The following USP38 variants were observed in gnomAD, a reference collection of about 807,000 sequenced individuals.
USP38 encodes the protein ubiquitin carboxyl-terminal hydrolase 38.
In USP38, 49 loss-of-function variants were observed where a neutral mutation model predicts 94.3. The ratio of observed to expected loss-of-function variants is 0.52; its 90% CI spans 0.41 to 0.66. The LOEUF (loss-of-function observed/expected upper bound fraction) is 0.66, where lower values mean the gene tolerates loss of function less well. USP38 is among the 30% of genes least tolerant of loss of function. USP38 has a pLI of 0.00. For missense variants in USP38, 1,128 were observed against 1,229.4 expected, an observed-to-expected ratio of 0.92 and a Z score of 1.23; for synonymous variants, 468 against 463.6, an observed-to-expected ratio of 1.01 and a Z score of -0.12.
chr4:143,201,296 A>G (rs915377059), intron 4 of USP38, among the ~76,000 whole-genome samples: 3 of 152,220 alleles, frequency 2.0e-5, no homozygotes, highest in African/African-American at 4.8e-5. Context: ...TCCCTCTTCA[A>G]TAAATGGTGC....
At position 143,197,883 on chromosome 4, in the gene USP38, A is replaced by T; in HGVS notation, c.1009A>T (p.Met337Leu). ...RPGALAVLSH[M>L]LLSFQHSPEA... ...TGGTGCTCTTGCAGTTCTTTCTCAC[A>T]TGCTGCTTAGCTTTCAGCATTCTCC... Residue 337 changes from methionine (M) to leucine (L), a missense_variant, in exon 4 of 10, where the codon ATG becomes TTG. Met to Leu is a conservative substitution (Grantham distance 15). Transcript: ENST00000307017. 6.2e-7 allele frequency: 1 copy of T among 1,613,996 alleles called. No homozygotes were observed.
At position 143,222,891 on chromosome 4, in the gene USP38, C is replaced by T. The variant is rs1732360442; in HGVS notation, c.*2435C>T. 6.6e-6 allele frequency: 1 copy of T among 152,084 alleles called. No homozygotes were observed. The highest frequency in any genetic ancestry group is 1.5e-5 in the Non-Finnish European group (1 of 67,968). The allele number at this position is 152,084 out of a possible 1,614,324, so 9.4% of individuals were successfully genotyped here. ...TTCCTAACCCGTGTACTAGCTCCAACTGTTGTGAGGTTTGACTCTGAAGAC... is the reference window on the plus strand; with the variant it reads ...TTCCTAACCCGTGTACTAGCTCCAATTGTTGTGAGGTTTGACTCTGAAGAC... On this transcript the variant is annotated 3_prime_UTR_variant, in exon 10 of 10. Transcript: ENST00000307017.
chr4:143,209,129 A>T lies in USP38; in HGVS notation c.1404-435A>T, dbSNP rs567703634. ...ACTTATCTTATAAATTAATGGCTTA[A>T]CCTATTTGTATTTGCTAATCCAGAA... is the stretch of plus-strand genomic sequence containing the variant. On this transcript the variant is annotated intron_variant, in intron 6 of 9. Coordinates refer to ENST00000307017, the MANE Select transcript of USP38 (RefSeq NM_032557.6). 1.0e-3 allele frequency among the ~76,000 whole-genome samples: 158 copies of T among 152,200 alleles called. 7 individuals are homozygous for T. The South Asian group carries it at 0.032, about 31-fold the overall frequency.
intron 9 of USP38, 88 bp downstream of exon 9, chr4:143,215,031 A>G: frequency 7.7e-7 from 1 of 1,302,534 alleles, no homozygotes; most frequent in South Asian, 1.5e-5. Context: ...ATCTAACATG[A>G]GTTTTTATTA....
rs149873173 is a variant in USP38, at chr4:143,211,383, A to G, written c.1498-935A>G. Among the ~76,000 whole-genome samples the G allele has an allele frequency of 9.2e-5, 14 of 152,286 alleles. 1 individual carries two copies. In the East Asian group the frequency reaches 2.5e-3, roughly 27 times the overall value. ...TAAATCTTTTATGTCTTAATCATCAAAAACAGTCTGTCAGGTAATAAGGTA... is the reference window on the plus strand; with the variant it reads ...TAAATCTTTTATGTCTTAATCATCAGAAACAGTCTGTCAGGTAATAAGGTA... On this transcript the variant is annotated intron_variant, in intron 7 of 9. Transcript: ENST00000307017.
At chr4:143,211,312 A>G (rs1732017898) in intron 7 of USP38, among the ~76,000 whole-genome samples, 1 of 152,190 alleles carries the variant, frequency 6.6e-6, no homozygotes, top group Non-Finnish European at 1.5e-5. Context: ...CTTATAATTA[A>G]TAAAACAACA....
At chr4:143,201,118 C>T (rs1731703462) in intron 4 of USP38, among the ~76,000 whole-genome samples, 1 of 152,304 alleles carries the variant, frequency 6.6e-6, no homozygotes, top group Middle Eastern at 3.4e-3. Flanking sequence ...CATTACCCAG[C>T]TTCAAATTAT....
At chr4:143,213,071 T>C (rs1213308300) in intron 8 of USP38, among the ~76,000 whole-genome samples, 3 of 152,118 alleles carry the variant, frequency 2.0e-5, no homozygotes, top group Admixed American at 6.6e-5. Flanking sequence ...AACCACTCCT[T>C]TAGACCAGTT....
chr4:143,209,377 G>T (rs1731959375), intron 6 of USP38, among the ~76,000 whole-genome samples, 187 bp from the exon 7 acceptor site: 1 of 151,880 alleles, frequency 6.6e-6, no homozygotes, highest in African/African-American at 2.4e-5. Context: ...AGTGGCTTAT[G>T]CCTGTAATTC....
chr4:143,206,686 T>C (rs989281849), intron 6 of USP38, among the ~76,000 whole-genome samples: 1 of 152,168 alleles, frequency 6.6e-6, no homozygotes, highest in South Asian at 2.1e-4. Context: ...TGAGAGTCAG[T>C]CTCAAAAAAA....
At chr4:143,196,626 C>A (rs1731557360) in intron 3 of USP38, among the ~76,000 whole-genome samples, 1 of 152,178 alleles carries the variant, frequency 6.6e-6, no homozygotes, top group Non-Finnish European at 1.5e-5. Flanking sequence ...ACAGTTCAGT[C>A]TTTGGTCCAT....
intron 9 of USP38, among the ~76,000 whole-genome samples, chr4:143,218,648 AT>A (rs1285031031): frequency 3.9e-5 from 6 of 152,150 alleles, no homozygotes; most frequent in African/African-American, 1.4e-4. Flanking sequence ...TTTATATTTT[AT>A]GTCATTCGAC....
At chr4:143,211,805 T>C (rs1732031854) in intron 7 of USP38, among the ~76,000 whole-genome samples, 1 of 152,224 alleles carries the variant, frequency 6.6e-6, no homozygotes, top group African/African-American at 2.4e-5. Flanking sequence ...CTAACCAGTG[T>C]ACTCACAATC....
At chr4:143,219,524 C>T (rs1434695272) in intron 9 of USP38, among the ~76,000 whole-genome samples, 3 of 152,150 alleles carry the variant, frequency 2.0e-5, no homozygotes, top group Non-Finnish European at 4.4e-5. Context: ...ATTATGCTAA[C>T]AAGTTCAGGT....
Position 143,185,534 on chromosome 4 carries a change from G to A in USP38, c.84G>A (p.Ser28=). ...KRVIVRKVVE[S]AEHWLDEAQC... is the part of the protein sequence containing the mutation. ...TGATTGTGCGGAAGGTGGTGGAATC[G>A]GCGGAGCACTGGCTAGACGAGGCGC... is the stretch of plus-strand genomic sequence containing the variant. Residue 28 remains serine, a synonymous_variant, in exon 1 of 10, where the codon TCG becomes TCA. Transcript: ENST00000307017. 6.2e-7 allele frequency: 1 copy of A among 1,613,666 alleles called. No homozygotes were observed. The highest frequency in any genetic ancestry group is 1.3e-5 in the African/African-American group (1 of 75,052).
chr4:143,218,652 C>T (rs1732246876), intron 9 of USP38, among the ~76,000 whole-genome samples: 1 of 152,038 alleles, frequency 6.6e-6, no homozygotes. Flanking sequence ...TATTTTATGT[C>T]ATTCGACATA....
chr4:143,194,983 A>G (rs2149605749), intron 2 of USP38, among the ~76,000 whole-genome samples: 1 of 151,538 alleles, frequency 6.6e-6, no homozygotes, highest in Non-Finnish European at 1.5e-5. Context: ...CCATTACAAT[A>G]TTTACAGACT....
intron 1 of USP38, among the ~76,000 whole-genome samples, chr4:143,187,097 C>G (rs1450930139): frequency 6.6e-6 from 1 of 151,044 alleles, no homozygotes; most frequent in Non-Finnish European, 1.5e-5. Context: ...GTTTTTTTTT[C>G]TTATTGTAAT....
At chr4:143,192,582 G>A (rs1308051861) in intron 2 of USP38, among the ~76,000 whole-genome samples, 1 of 113,044 alleles carries the variant, frequency 8.8e-6, no homozygotes, top group African/African-American at 3.4e-5. Flanking sequence ...CATTAAATTG[G>A]TCAAGCAGAT....
Sources: gnomAD v4.1 joint callset for allele counts (sites outside exome capture counted in the v4.1 genomes callset) on GRCh38, gnomAD v4.1.1 for gene constraint, MANE v1.5 for transcripts, NCBI Gene and HGNC (gene_info 2026-07-23, HGNC 2026-07-21) for gene names.